DECR1: variants seen among roughly 807,000 people sequenced by gnomAD.
The protein encoded by DECR1 is 2,4-dienoyl-CoA reductase 1, also known as 2,4-dienoyl-CoA reductase [(3E)-enoyl-CoA-producing], mitochondrial.
A neutral mutation model predicts 38.8 loss-of-function variants in DECR1; 44 were observed. The ratio of observed to expected loss-of-function variants is 1.13; its 90% confidence interval spans 0.89 to 1.46. The LOEUF (loss-of-function observed/expected upper bound fraction) is 1.46. Ranked by LOEUF, DECR1 falls within the 40% of genes most tolerant of loss-of-function variation. DECR1 has a pLI of 0.00. For missense variants in DECR1, 428 were observed against 405.5 expected, an observed-to-expected ratio of 1.06 and a Z score of -0.48; for synonymous variants, 148 against 135.2, an observed-to-expected ratio of 1.09 and a Z score of -0.66.
chr8:90,047,955 A>T (rs1286021020), intron 8 of DECR1, among the ~76,000 whole-genome samples: 2 of 152,242 alleles, frequency 1.3e-5, no homozygotes, highest in Non-Finnish European at 2.9e-5. Flanking sequence ...AACGAAATGA[A>T]GGCAGAAATA....
chr8:90,041,343 T>G (rs1173401482), intron 6 of DECR1, among the ~76,000 whole-genome samples: 1 of 152,154 alleles, frequency 6.6e-6, no homozygotes, highest in South Asian at 2.1e-4. Context: ...TTAATTTGTT[T>G]AAGTTCTTTA....
In DECR1 at chr8:90,027,002, A is replaced by G. The variant is rs560099890; in HGVS notation, c.565+5946A>G. Among the ~76,000 whole-genome samples the G allele has an allele frequency of 1.4e-4, 21 of 152,224 alleles. No individual in the cohort carries two copies. The East Asian group carries it at 2.3e-3, about 17-fold the overall frequency. On this transcript the variant is annotated intron_variant, in intron 5 of 9. Coordinates refer to ENST00000220764, the MANE Select transcript of DECR1 (RefSeq NM_001359.2). ...GTACCCAGTAGTCATTCAGGAACAG[A>G]TTGTTCAGTTTCCATGTAGTTGAGC... is the stretch of plus-strand genomic sequence containing the variant.
At position 90,036,867 on chromosome 8, in the gene DECR1, A is replaced by G. The variant is rs1325388372; in HGVS notation, c.592A>G (p.Ile198Val). 8 of 1,613,208 alleles carry G rather than the reference A, an allele frequency of 5.0e-6. No homozygotes were observed. Among genetic ancestry groups the G allele is most frequent in the African/African-American group, 1.3e-5 (1 of 74,876 alleles). ...KGAAFLSITT[I>V]YAETGSGFVV... ...AGCAGCATTTCTTTCTATTACTACT[A>G]TCTATGCTGAGACTGGTTCAGGTTT... The change falls in exon 6 of 10, where the codon ATC becomes GTC. Residue 198 changes from isoleucine to valine, a missense_variant. By Grantham distance (29) the Ile-to-Val change is conservative (BLOSUM62 3). Transcript: ENST00000220764.
chr8:90,013,299 T>C lies in DECR1; in HGVS notation c.70-3825T>C, dbSNP rs182004859. 1.5e-4 allele frequency among the ~76,000 whole-genome samples: 23 copies of C among 152,170 alleles called. No individual in the cohort carries two copies. In the East Asian group the frequency reaches 4.3e-3, roughly 28 times the overall value. ...TATATTTGAAACTGGATCTTCTTAA[T>C]AATGTACCTAGCACACACATTAAAC... is the stretch of plus-strand genomic sequence containing the variant. On this transcript the variant is annotated intron_variant, in intron 1 of 9. Coordinates refer to ENST00000220764, the MANE Select transcript of DECR1 (RefSeq NM_001359.2).
At chr8:90,012,578 T>G (rs1173877009) in intron 1 of DECR1, among the ~76,000 whole-genome samples, 1 of 152,206 alleles carries the variant, frequency 6.6e-6, no homozygotes, top group Non-Finnish European at 1.5e-5. Context: ...TATATTCACA[T>G]AAGACTACAT....
intron 8 of DECR1, among the ~76,000 whole-genome samples, chr8:90,051,305 G>A (rs529732591): frequency 3.9e-5 from 6 of 152,146 alleles, no homozygotes; most frequent in Admixed American, 2.6e-4. Flanking sequence ...TAGAGATAAA[G>A]AGAGGGAGAG....
chr8:90,019,288 T>C (rs1452909060), intron 4 of DECR1, 116 bp downstream of exon 4: 3 of 828,262 alleles, frequency 3.6e-6, no homozygotes, highest in Admixed American at 4.6e-5. Flanking sequence ...AGCCCGAATC[T>C]GGGGCTTAGC....
chr8:90,034,723 A>T (rs1813578313), intron 5 of DECR1, among the ~76,000 whole-genome samples: 1 of 152,148 alleles, frequency 6.6e-6, no homozygotes, highest in Admixed American at 6.6e-5. Flanking sequence ...AAGTGCTGGG[A>T]TTACAGGCAT....
At chr8:90,013,748 G>A (rs544962604) in intron 1 of DECR1, among the ~76,000 whole-genome samples, 1 of 152,090 alleles carries the variant, frequency 6.6e-6, no homozygotes, top group Non-Finnish European at 1.5e-5. Flanking sequence ...CTAATCTACT[G>A]TTATTTGAGA....
At chr8:90,047,379 CA>C (rs1056654065) in intron 8 of DECR1, among the ~76,000 whole-genome samples, 2 of 152,042 alleles carry the variant, frequency 1.3e-5, no homozygotes, top group African/African-American at 4.8e-5. Context: ...GCAGGGGTTG[CA>C]ATCCTAGTCT....
chr8:90,002,779 AT>A (rs969432332), intron 1 of DECR1, among the ~76,000 whole-genome samples: 69 of 151,992 alleles, frequency 4.5e-4, no homozygotes, highest in Admixed American at 1.0e-3. Context: ...GGTTTTGCTG[AT>A]TTTTTTTCTC....
chr8:90,051,570 A>T, intron 8 of DECR1, 107 bp from the exon 9 acceptor site: 1 of 805,724 alleles, frequency 1.2e-6, no homozygotes. Flanking sequence ...GGCTTGATTT[A>T]AAGTGCCAAA....
At chr8:90,050,774 CAG>C (rs768682826) in intron 8 of DECR1, among the ~76,000 whole-genome samples, 1 of 152,126 alleles carries the variant, frequency 6.6e-6, no homozygotes, top group Non-Finnish European at 1.5e-5. Context: ...GGAACCAACC[CAG>C]ATGTCTATCA....
intron 5 of DECR1, among the ~76,000 whole-genome samples, chr8:90,030,130 T>A (rs1383669993): frequency 1.3e-5 from 2 of 152,152 alleles, no homozygotes; most frequent in African/African-American, 2.4e-5. Flanking sequence ...TCCTTGCATG[T>A]GTAGTTTGCA....
chr8:90,048,146 C>T (rs750129175), intron 8 of DECR1, among the ~76,000 whole-genome samples: 1 of 152,080 alleles, frequency 6.6e-6, no homozygotes, highest in Non-Finnish European at 1.5e-5. Context: ...AGAGCAAACA[C>T]ATTCAAAAGC....
At chr8:90,007,924 C>A (rs1054030928) in intron 1 of DECR1, among the ~76,000 whole-genome samples, 2 of 152,206 alleles carry the variant, frequency 1.3e-5, no homozygotes, top group African/African-American at 2.4e-5. Context: ...GTCTAGAATA[C>A]AAGGTCAACT....
chr8:90,021,059 A>G lies in DECR1; in HGVS notation c.565+3A>G. On this transcript the variant is annotated splice_donor_region_variant and intron_variant, in intron 5 of 9. Transcript: ENST00000220764. ...ACAACTAATTAAAGCACAGAAAGGT[A>G]TGTTTATTTGCTTTTCTCATATTTA... The G allele has an allele frequency of 1.3e-6, 2 of 1,569,514 alleles. No individual in the cohort carries two copies. The highest frequency in any genetic ancestry group is 2.3e-5 in the East Asian group (1 of 43,336).
chr8:90,017,223 T>C lies in DECR1; in HGVS notation c.169T>C (p.Phe57Leu), dbSNP rs11548761. 1.2e-6 allele frequency: 2 copies of C among 1,614,178 alleles called. No individual in the cohort carries two copies. The highest frequency in any genetic ancestry group is 1.7e-6 in the Non-Finnish European group (2 of 1,180,018). Reference sequence around the variant, plus strand: ...AAAAGCGATGCTACCACCTAATAGTTTTCAAGGAAAAGTGGCATTCATTAC... The same window carrying C: ...AAAAGCGATGCTACCACCTAATAGTCTTCAAGGAAAAGTGGCATTCATTAC... Reference protein sequence around the residue: ...LQKAMLPPNSFQGKVAFITGG... With the variant: ...LQKAMLPPNSLQGKVAFITGG... The change falls in exon 2 of 10, where the codon TTT becomes CTT. Residue 57 changes from phenylalanine to leucine, a missense_variant. Transcript: ENST00000220764.
chr8:90,044,808 G>T (rs752668679), intron 7 of DECR1, 41 bp from the exon 8 acceptor site: 5 of 1,569,848 alleles, frequency 3.2e-6, no homozygotes, highest in Non-Finnish European at 4.3e-6. Flanking sequence ...GGAATTGATT[G>T]AAAAACCCGA....
Sources: allele counts gnomAD v4.1 joint callset (sites outside exome capture counted in the v4.1 genomes callset), GRCh38; gene constraint gnomAD v4.1.1; transcripts MANE v1.5; gene names NCBI Gene and HGNC (gene_info 2026-07-23, HGNC 2026-07-21).